Variants in PTPRD observed in about 807,000 individuals in gnomAD.
PTPRD encodes the protein protein tyrosine phosphatase receptor type D, also known as receptor-type tyrosine-protein phosphatase delta.
A neutral mutation model predicts 214.5 loss-of-function variants in PTPRD; 34 were observed. That is an observed-to-expected ratio of 0.16 (90% CI 0.12 to 0.21). The LOEUF is 0.21. PTPRD is among the 10% of genes least tolerant of loss of function. The probability of loss-of-function intolerance (pLI) is 1.00; values close to 1 mark genes in which losing one functional copy is unlikely to be tolerated. For synonymous variants in PTPRD, 1,128 were observed against 845.7 expected (o/e 1.33, Z -5.79); for missense variants, 2,545 against 2,398.7 (o/e 1.06, Z -1.27).
intron 11 of PTPRD, among the ~76,000 whole-genome samples, chr9:8,901,681 A>C (rs1405084576): frequency 6.6e-6 from 1 of 152,206 alleles, no homozygotes. Context: ...TTAATTAGCC[A>C]TGCTAGTGTA....
At chr9:10,266,578 A>G (rs1396162903) in intron 3 of PTPRD, among the ~76,000 whole-genome samples, 1 of 152,204 alleles carries the variant, frequency 6.6e-6, no homozygotes, top group Non-Finnish European at 1.5e-5. Flanking sequence ...TTACTGTAAA[A>G]TTGCACTGAT....
chr9:9,569,393 A>G (rs1474099362), intron 8 of PTPRD, among the ~76,000 whole-genome samples: 1 of 151,758 alleles, frequency 6.6e-6, no homozygotes, highest in African/African-American at 2.4e-5. Context: ...GTATCATGTG[A>G]TAACAGTGGC....
At chr9:8,988,372 T>C (rs1437435718) in intron 11 of PTPRD, among the ~76,000 whole-genome samples, 1 of 152,086 alleles carries the variant, frequency 6.6e-6, no homozygotes, top group Non-Finnish European at 1.5e-5. Context: ...CTCCCATCAA[T>C]TGTTGCAGTG....
intron 10 of PTPRD, among the ~76,000 whole-genome samples, chr9:9,056,221 G>A (rs1421226100): frequency 6.6e-6 from 1 of 152,084 alleles, no homozygotes; most frequent in Non-Finnish European, 1.5e-5. Context: ...AACTTTACAA[G>A]GAATAATGCG....
intron 11 of PTPRD, among the ~76,000 whole-genome samples, chr9:8,854,992 A>G (rs2097888481): frequency 6.6e-6 from 1 of 152,158 alleles, no homozygotes; most frequent in Non-Finnish European, 1.5e-5. Context: ...CACACTCTAT[A>G]TGGAAAATCA....
intron 2 of PTPRD, among the ~76,000 whole-genome samples, chr9:10,430,835 T>G (rs2098670565): frequency 6.6e-6 from 1 of 152,000 alleles, no homozygotes; most frequent in South Asian, 2.1e-4. Flanking sequence ...ATCATACCCC[T>G]TTTTTATCCC....
At chr9:9,989,046 C>CA (rs1035441430) in intron 4 of PTPRD, among the ~76,000 whole-genome samples, 2 of 63,160 alleles carry the variant, frequency 3.2e-5, no homozygotes, top group African/African-American at 1.3e-4. Context: ...AAAAAAAAAA[C>CA]CACAGACTTT....
chr9:10,605,024 T>A (rs956442133), intron 2 of PTPRD, among the ~76,000 whole-genome samples: 6 of 151,854 alleles, frequency 4.0e-5, no homozygotes, highest in Admixed American at 6.6e-5. Flanking sequence ...TGATTTTTTT[T>A]AAGAGAAATC....
At chr9:10,140,848 C>G (rs291280) in intron 3 of PTPRD, among the ~76,000 whole-genome samples, 75,908 of 147,928 alleles carry the variant, frequency 0.51, 19,418 homozygotes, top group Non-Finnish European at 0.57. Flanking sequence ...CAAAAATCCT[C>G]AATAAAATAC....
intron 6 of PTPRD, among the ~76,000 whole-genome samples, chr9:9,765,725 A>T (rs1464336394): frequency 6.6e-6 from 1 of 152,136 alleles, no homozygotes; most frequent in Non-Finnish European, 1.5e-5. Flanking sequence ...CAGTGGCATG[A>T]TCTCGGCTCA....
At chr9:9,000,697 T>C (rs569396160) in intron 11 of PTPRD, among the ~76,000 whole-genome samples, 39 of 152,054 alleles carry the variant, frequency 2.6e-4, no homozygotes, top group African/African-American at 9.4e-4. Flanking sequence ...ATTATGCACA[T>C]CTGACTGCTA....
intron 6 of PTPRD, among the ~76,000 whole-genome samples, chr9:9,743,641 C>T (rs145205330): frequency 6.6e-6 from 1 of 151,612 alleles, no homozygotes; most frequent in Non-Finnish European, 1.5e-5. Context: ...TGACCTTTAA[C>T]TGTCATGTTA....
intron 12 of PTPRD, among the ~76,000 whole-genome samples, chr9:8,653,688 A>G (rs1565012792): frequency 6.6e-6 from 1 of 152,134 alleles, no homozygotes; most frequent in Non-Finnish European, 1.5e-5. Flanking sequence ...TCCAGCAATC[A>G]GCACTGCACT....
At chr9:9,219,412 T>C (rs1000295998) in intron 9 of PTPRD, among the ~76,000 whole-genome samples, 4 of 64,718 alleles carry the variant, frequency 6.2e-5, no homozygotes, top group Admixed American at 1.6e-4. Flanking sequence ...TCTGTGCTTA[T>C]TAAATTAAAA....
At chr9:8,573,878 C>A (rs1278702841) in intron 14 of PTPRD, among the ~76,000 whole-genome samples, 1 of 151,764 alleles carries the variant, frequency 6.6e-6, no homozygotes, top group Non-Finnish European at 1.5e-5. Context: ...TCAATTAGAA[C>A]AATTTTAGAA....
intron 11 of PTPRD, among the ~76,000 whole-genome samples, chr9:8,930,658 C>G (rs922013094): frequency 1.3e-5 from 2 of 152,194 alleles, no homozygotes; most frequent in Non-Finnish European, 2.9e-5. Context: ...ACCATTCTAA[C>G]TGGTGTGAGA....
At chr9:10,149,913 T>C (rs1162199160) in intron 3 of PTPRD, among the ~76,000 whole-genome samples, 7 of 151,908 alleles carry the variant, frequency 4.6e-5, no homozygotes, top group African/African-American at 7.3e-5. Context: ...GTATTTTTAG[T>C]AGAGATGGGG....
intron 2 of PTPRD, among the ~76,000 whole-genome samples, chr9:10,411,171 A>G (rs1197290718): frequency 2.0e-5 from 3 of 151,800 alleles, no homozygotes; most frequent in African/African-American, 7.2e-5. Flanking sequence ...TAAAATTCTA[A>G]GTGAACTTCT....
Position 8,484,335 on chromosome 9 carries a change from C to T in PTPRD, c.3197G>A (p.Arg1066Gln), listed in dbSNP as rs749208350. ...DGKMVEEVDG[R>Q]ATQKLIVNLK... ...GTTGACAATTAACTTCTGTGTGGCTCGGCCATCCACTTCTTCTACCATTTT... is the reference window on the plus strand; with the variant it reads ...GTTGACAATTAACTTCTGTGTGGCTTGGCCATCCACTTCTTCTACCATTTT... The change falls in exon 30 of 46, where the codon CGA (arginine) becomes CAA (glutamine). Residue 1066 changes from arginine (R) to glutamine (Q), a missense_variant. By Grantham distance (43) the Arg-to-Gln change is conservative (BLOSUM62 1). Transcript: ENST00000381196. 1.2e-5 allele frequency: 20 copies of T among 1,613,906 alleles called. No homozygotes were observed. Among genetic ancestry groups the T allele is most frequent in the Admixed American group, 1.7e-5 (1 of 59,996 alleles).
Sources: allele counts gnomAD v4.1 joint callset (sites outside exome capture counted in the v4.1 genomes callset), GRCh38; gene constraint gnomAD v4.1.1; transcripts MANE v1.5; gene names NCBI Gene and HGNC (gene_info 2026-07-23, HGNC 2026-07-21).